Variants in CNMD observed in about 807,000 individuals in gnomAD.
CNMD encodes the protein leukocyte cell-derived chemotaxin 1.
A neutral mutation model predicts 37.5 loss-of-function variants in CNMD; 30 were observed. The observed-to-expected ratio is 0.80, with a 90% CI of 0.60 to 1.09. CNMD has a LOEUF of 1.09. CNMD is among the 50% of genes least tolerant of loss of function. CNMD has a pLI of 0.00. For synonymous variants in CNMD, 167 were observed against 148.2 expected (o/e 1.13, Z -0.92); for missense variants, 398 against 423.9 (o/e 0.94, Z 0.54).
chr13:52,724,294 C>T (rs1964534102), intron 3 of CNMD, among the ~76,000 whole-genome samples, 184 bp from the exon 4 acceptor site: 1 of 151,890 alleles, frequency 6.6e-6, no homozygotes, highest in African/African-American at 2.4e-5. Flanking sequence ...AGCCGGGCGG[C>T]CTGGCGCGGT....
At chr13:52,707,560 A>G (rs773349632) in intron 6 of CNMD, among the ~76,000 whole-genome samples, 4 of 152,202 alleles carry the variant, frequency 2.6e-5, no homozygotes, top group Non-Finnish European at 2.9e-5. Context: ...GCAGGTGCCT[A>G]AATGACTGCC....
At chr13:52,730,753 T>G (rs1964652518) in intron 3 of CNMD, among the ~76,000 whole-genome samples, 1 of 152,190 alleles carries the variant, frequency 6.6e-6, no homozygotes, top group African/African-American at 2.4e-5. Flanking sequence ...CACTGGTGCT[T>G]GTGAGAGTAT....
intron 3 of CNMD, among the ~76,000 whole-genome samples, chr13:52,730,170 G>T (rs1422322960): frequency 6.6e-6 from 1 of 151,978 alleles, no homozygotes. Flanking sequence ...TTTTATGGCT[G>T]CATAGTATTC....
Sources: gnomAD v4.1 joint callset for allele counts (sites outside exome capture counted in the v4.1 genomes callset) on GRCh38, gnomAD v4.1.1 for gene constraint, MANE v1.5 for transcripts, NCBI Gene and HGNC (gene_info 2026-07-23, HGNC 2026-07-21) for gene names.